Variants in LRRC15 observed in about 807,000 individuals in gnomAD.
LRRC15 encodes the protein leucine-rich repeat-containing protein 15.
In LRRC15, 5 loss-of-function variants were observed where a neutral mutation model predicts 4.3. The observed-to-expected ratio is 1.16, with a 90% CI of 0.61 to 2.44. The LOEUF (loss-of-function observed/expected upper bound fraction) is 2.44, where lower values mean the gene tolerates loss of function less well. Ranked by LOEUF, LRRC15 falls within the 30% of genes most tolerant of loss-of-function variation. The probability of loss-of-function intolerance (pLI) is 0.01; values close to 1 mark genes in which losing one functional copy is unlikely to be tolerated. For missense variants in LRRC15, 769 were observed against 747.0 expected (o/e 1.03, Z -0.34); for synonymous variants, 337 against 323.2 (o/e 1.04, Z -0.46).
intron 1 of LRRC15, among the ~76,000 whole-genome samples, chr3:194,366,874 GA>G (rs1363137688): frequency 1.3e-5 from 2 of 152,174 alleles, no homozygotes; most frequent in Non-Finnish European, 2.9e-5. Flanking sequence ...GTCCGTTGGG[GA>G]CTCCTGACAC....
intron 1 of LRRC15, among the ~76,000 whole-genome samples, chr3:194,365,120 G>A (rs914998344): frequency 2.6e-5 from 4 of 152,222 alleles, no homozygotes; most frequent in Admixed American, 1.3e-4. Context: ...AGCCGAGAGC[G>A]TCGTCAATCA....
chr3:194,369,448 G>A (rs1713878202), intron 1 of LRRC15, among the ~76,000 whole-genome samples: 1 of 152,196 alleles, frequency 6.6e-6, no homozygotes, highest in Admixed American at 6.5e-5. Context: ...ATCAGCAGAG[G>A]GGCTGGTGGT....
At chr3:194,363,566 A>C (rs1003860077) in intron 1 of LRRC15, among the ~76,000 whole-genome samples, 1 of 152,230 alleles carries the variant, frequency 6.6e-6, no homozygotes, top group Non-Finnish European at 1.5e-5. Flanking sequence ...CAAAGGAAGG[A>C]GGCTGCCCAC....
chr3:194,367,711 C>T (rs1713822176), intron 1 of LRRC15, among the ~76,000 whole-genome samples: 1 of 152,202 alleles, frequency 6.6e-6, no homozygotes, highest in Non-Finnish European at 1.5e-5. Context: ...TTTGGGAATA[C>T]TCCACCCCAA....
chr3:194,356,825 G>A lies in LRRC15; in HGVS notation c.*2473C>T, dbSNP rs1457226034. 1 of 152,330 alleles carries A rather than the reference G, an allele frequency of 6.6e-6. No homozygotes were observed. Among genetic ancestry groups the A allele is most frequent in the Non-Finnish European group, 1.5e-5 (1 of 68,090 alleles). The allele number at this position is 152,330 out of a possible 1,614,324, so 9.4% of individuals were successfully genotyped here. A position where few individuals can be genotyped will look rare whatever the true frequency, so the allele number is the denominator to read the frequency against. ...GTGCCTATGCACAAAGACATCTGGA[G>A]GCCACTCACAGGAGCACCCGACAGG... On this transcript the variant is annotated 3_prime_UTR_variant, in exon 2 of 2. Transcript: ENST00000347624.
At chr3:194,362,961 A>C (rs1161419775) in intron 1 of LRRC15, among the ~76,000 whole-genome samples, 3 of 86,958 alleles carry the variant, frequency 3.4e-5, no homozygotes, top group African/African-American at 4.8e-5. Flanking sequence ...TTTTTTTTTG[A>C]GATGGAGTCT....
At position 194,365,542 on chromosome 3, in the gene LRRC15, G is replaced by A. The variant is rs140873031; in HGVS notation, c.-4+4119C>T. Among the ~76,000 whole-genome samples the A allele has an allele frequency of 2.3e-3, 356 of 152,312 alleles. 1 individual carries two copies. Among genetic ancestry groups the A allele is most frequent in the Middle Eastern group, 6.8e-3 (2 of 294 alleles). On this transcript the variant is annotated intron_variant, in intron 1 of 1. Transcript: ENST00000347624. ...GTTCTACTCTGGTTGACACTAAGTT[G>A]AAGTGTGAGCTTAGGGAAATTCTCC...
In LRRC15 at chr3:194,358,585, G is replaced by T. The variant is rs1202479704; in HGVS notation, c.*713C>A. On this transcript the variant is annotated 3_prime_UTR_variant, in exon 2 of 2. Transcript: ENST00000347624. Reference sequence around the variant, plus strand: ...AAGGCTGAGCTTGCTGTGCTGGGGTGTTTCTTCCTTTTCCAGATAAAAATC... The same window carrying T: ...AAGGCTGAGCTTGCTGTGCTGGGGTTTTTCTTCCTTTTCCAGATAAAAATC... 1.3e-5 allele frequency: 2 copies of T among 152,562 alleles called. No homozygotes were observed. The highest frequency in any genetic ancestry group is 2.9e-5 in the Non-Finnish European group (2 of 68,022). 9.5% of individuals were successfully genotyped at this position (152,562 alleles called of 1,614,324 possible).
In LRRC15 at chr3:194,360,295, A is replaced by C; in HGVS notation, c.749T>G (p.Leu250Arg). ...GGAGATGTGGTTGTTGGACAGGTAGAGTCTCTGGAGGTTGTGGTTGTTGTG... is the reference window on the plus strand; with the variant it reads ...GGAGATGTGGTTGTTGGACAGGTAGCGTCTCTGGAGGTTGTGGTTGTTGTG... Reference protein sequence around the residue: ...LFHNNHNLQRLYLSNNHISQL... With the variant: ...LFHNNHNLQRRYLSNNHISQL... The change falls in exon 2 of 2, where the codon CTC (leucine) becomes CGC (arginine). Residue 250 changes from leucine to arginine, a missense_variant. Coordinates refer to ENST00000347624, the MANE Select transcript of LRRC15 (RefSeq NM_130830.5). 1 of 1,614,142 alleles carries C rather than the reference A, an allele frequency of 6.2e-7. No individual in the cohort carries two copies.
intron 1 of LRRC15, among the ~76,000 whole-genome samples, chr3:194,364,639 G>A (rs34124269): frequency 6.6e-6 from 1 of 152,132 alleles, no homozygotes; most frequent in Admixed American, 6.5e-5. Context: ...TGCCAGGGAA[G>A]GTGCCCCTTG....
chr3:194,365,602 G>C (rs956562156), intron 1 of LRRC15, among the ~76,000 whole-genome samples: 3 of 152,122 alleles, frequency 2.0e-5, no homozygotes, highest in Admixed American at 2.0e-4. Context: ...AGACGTCCAA[G>C]GGCCCTTGGA....
chr3:194,362,631 C>G (rs1468497889), intron 1 of LRRC15, among the ~76,000 whole-genome samples: 1 of 152,178 alleles, frequency 6.6e-6, no homozygotes, highest in Non-Finnish European at 1.5e-5. Flanking sequence ...GCCCAGGTCT[C>G]CAGACCCCTG....
intron 1 of LRRC15, chr3:194,363,409 A>T: frequency 1.4e-6 from 1 of 695,354 alleles, no homozygotes; most frequent in South Asian, 1.6e-5. Flanking sequence ...TGCTAGGGAC[A>T]CATCTGAAAA....
chr3:194,362,074 A>T (rs1397943418), intron 1 of LRRC15, among the ~76,000 whole-genome samples: 1 of 152,092 alleles, frequency 6.6e-6, no homozygotes, highest in East Asian at 1.9e-4. Context: ...AATGGAGGCA[A>T]GTTCATGGAA....
chr3:194,359,840 C>T lies in LRRC15; in HGVS notation c.1204G>A (p.Glu402Lys), dbSNP rs1713551264. ...TCGAAGATGCCGAGGGGCAAGTTCT[C>T]CAGCTGGTTGTTCTGCAGCTGGATG... is the stretch of plus-strand genomic sequence containing the variant. ...MAIQLQNNQL[E>K]NLPLGIFDHL... is the part of the protein sequence containing the mutation. The change falls in exon 2 of 2, where the codon GAG becomes AAG. Residue 402 changes from glutamate (E) to lysine (K), a missense_variant. By Grantham distance (56) the Glu-to-Lys change is moderately conservative. Transcript: ENST00000347624. 1.2e-6 allele frequency: 2 copies of T among 1,613,974 alleles called. No homozygotes were observed. The highest frequency in any genetic ancestry group is 1.1e-5 in the South Asian group (1 of 91,068).
Position 194,361,038 on chromosome 3 carries a change from T to C in LRRC15, c.6A>G (p.Pro2=), listed in dbSNP as rs140366922. Reference sequence around the variant, plus strand: ...CCAGCAAAAGGAGATAATGCTTCAGTGGCATAGCCTGTGCAAGGGGAGAGA... The same window carrying C: ...CCAGCAAAAGGAGATAATGCTTCAGCGGCATAGCCTGTGCAAGGGGAGAGA... M[P]LKHYLLLLVG... The change falls in exon 2 of 2, where the codon CCA becomes CCG. Residue 2 remains proline, a synonymous_variant. Transcript: ENST00000347624. 223 of 1,505,902 alleles carry C rather than the reference T, an allele frequency of 1.5e-4. 2 individuals are homozygous for C. In the East Asian group the frequency reaches 5.0e-3, roughly 34 times the overall value. 93.3% of individuals were successfully genotyped at this position (1,505,902 alleles called of 1,614,324 possible). A position where few individuals can be genotyped will look rare whatever the true frequency, so the allele number is the denominator to read the frequency against.
rs1713514953 is a variant in LRRC15, at chr3:194,359,026, C to CCTCT, written c.*268_*271dup. The CCTCT allele has an allele frequency of 3.2e-5, 10 of 311,952 alleles. No homozygotes were observed. The South Asian group carries it at 8.0e-4, about 25-fold the overall frequency. The allele number at this position is 311,952 out of a possible 1,614,324, so 19.3% of individuals were successfully genotyped here. On this transcript the variant is annotated 3_prime_UTR_variant, in exon 2 of 2. Transcript: ENST00000347624. Reference sequence around the variant, plus strand: ...GGTGGGGAGGATTTGGAGGAAGAGCCCTCTCGAAGGAAGCCCAGGGGTATG... The same window carrying CCTCT: ...GGTGGGGAGGATTTGGAGGAAGAGCCCTCTCTCTCGAAGGAAGCCCAGGGGTATG...
chr3:194,367,400 G>A (rs1560048407), intron 1 of LRRC15, among the ~76,000 whole-genome samples: 1 of 151,958 alleles, frequency 6.6e-6, no homozygotes, highest in East Asian at 1.9e-4. Flanking sequence ...TCTGCCTCCC[G>A]GGTTCACACC....
In LRRC15 at chr3:194,360,665, G is replaced by C; in HGVS notation, c.379C>G (p.Leu127Val). The C allele has an allele frequency of 6.2e-7, 1 of 1,614,244 alleles. No individual in the cohort carries two copies. Among genetic ancestry groups the C allele is most frequent in the Middle Eastern group, 1.6e-4 (1 of 6,062 alleles). ...TTACTGGACAGAAGGAGAGACTCGA[G>C]GCTGTCCAGGCCCTGGAAGAGGCCG... ...PIGLFQGLDS[L>V]ESLLLSSNQL... The change falls in exon 2 of 2, where the codon CTC becomes GTC. Residue 127 changes from leucine (L) to valine (V), a missense_variant. Physicochemically the swap from Leu to Val is conservative, Grantham distance 32. Coordinates refer to ENST00000347624, the MANE Select transcript of LRRC15 (RefSeq NM_130830.5).
Sources: allele counts gnomAD v4.1 joint callset (sites outside exome capture counted in the v4.1 genomes callset), GRCh38; gene constraint gnomAD v4.1.1; transcripts MANE v1.5; gene names NCBI Gene and HGNC (gene_info 2026-07-23, HGNC 2026-07-21).